DRC11: variants seen among roughly 807,000 people sequenced by gnomAD.
DRC11 encodes the protein dynein regulatory complex subunit 11.
At chr2:236,383,334 T>A in the DRC11 span, among the ~76,000 whole-genome samples, 6 of 152,206 alleles carry the variant, frequency 3.9e-5, no homozygotes, top group African/African-American at 1.4e-4. Context: ...AAATCTCATC[T>A]TTTTCTTAGT....
chr2:236,491,920 T>C, the DRC11 span, among the ~76,000 whole-genome samples: 28,297 of 152,160 alleles, frequency 0.19, 2,963 homozygotes, highest in Middle Eastern at 0.27. Context: ...AGTGTTGGGA[T>C]GTGGGACTTT....
chr2:236,422,973 G>T, the DRC11 span, among the ~76,000 whole-genome samples: 1 of 151,920 alleles, frequency 6.6e-6, no homozygotes, highest in African/African-American at 2.4e-5. Context: ...TTTAATAAAT[G>T]GTGCTGGGAA....
the DRC11 span, among the ~76,000 whole-genome samples, chr2:236,318,090 C>T: frequency 1.7e-3 from 253 of 152,204 alleles, 3 homozygotes; most frequent in Non-Finnish European, 5.6e-4. The surrounding 1 kb of genome is among the most constrained non-coding windows in gnomAD (Gnocchi z 7.0). Flanking sequence ...TGCCAGTCCA[C>T]GCCACTCTCC....
chr2:236,326,792 T>TTGTGTGTG, the DRC11 span, among the ~76,000 whole-genome samples: 42 of 144,082 alleles, frequency 2.9e-4, no homozygotes, highest in East Asian at 8.4e-4. Flanking sequence ...TTCAGATTTG[T>TTGTGTGTG]TGTGTGTGTG....
chr2:236,392,010 TC>T, the DRC11 span: 1 of 1,613,972 alleles, frequency 6.2e-7, no homozygotes, highest in East Asian at 2.2e-5. This position sits in a 1 kb window ranked among gnomAD's most constrained non-coding sequence, Gnocchi z 5.1. Flanking sequence ...CACTGGGCGC[TC>T]CCTTTCTCTG....
At chr2:236,341,096 G>A in the DRC11 span, among the ~76,000 whole-genome samples, 1 of 152,196 alleles carries the variant, frequency 6.6e-6, no homozygotes, top group Non-Finnish European at 1.5e-5. Context: ...CAAATTAGTG[G>A]CTAGCATCCA....
At chr2:236,354,258 CAT>C in the DRC11 span, among the ~76,000 whole-genome samples, 2 of 151,178 alleles carry the variant, frequency 1.3e-5, no homozygotes, top group African/African-American at 4.9e-5. Flanking sequence ...TTAGTGTGCA[CAT>C]GTGTGCGTGT....
chr2:236,334,092 G>C, the DRC11 span, among the ~76,000 whole-genome samples: 1 of 152,190 alleles, frequency 6.6e-6, no homozygotes, highest in Non-Finnish European at 1.5e-5. The surrounding 1 kb of genome is among the most constrained non-coding windows in gnomAD (Gnocchi z 7.8). Flanking sequence ...AGCTCTGTGA[G>C]ACAGTCCCAG....
the DRC11 span, chr2:236,493,742 A>G: frequency 1.3e-6 from 2 of 1,548,790 alleles, no homozygotes; most frequent in Non-Finnish European, 1.7e-6. Flanking sequence ...ATTATGGATT[A>G]ATGTTTGTTA....
chr2:236,357,574 T>TTA, the DRC11 span, among the ~76,000 whole-genome samples: 2 of 127,234 alleles, frequency 1.6e-5, no homozygotes, highest in South Asian at 4.7e-4. Flanking sequence ...ATATGCATAG[T>TTA]TATATATTAT....
At chr2:236,491,046 G>GTATATATATATA in the DRC11 span, among the ~76,000 whole-genome samples, 1 of 128,262 alleles carries the variant, frequency 7.8e-6, no homozygotes, top group African/African-American at 3.2e-5. Context: ...TATATATACA[G>GTATATATATATA]TATATATATA....
chr2:236,346,442 G>A, the DRC11 span, among the ~76,000 whole-genome samples: 6 of 152,218 alleles, frequency 3.9e-5, no homozygotes, highest in African/African-American at 1.4e-4. Flanking sequence ...TGATGGCCCT[G>A]GTCATACAGG....
chr2:236,459,875 G>A, the DRC11 span, among the ~76,000 whole-genome samples: 3 of 151,862 alleles, frequency 2.0e-5, no homozygotes, highest in East Asian at 5.9e-4. Context: ...ATACAATAAC[G>A]TAAGAATTGA....
chr2:236,497,330 C>G, the DRC11 span: 1 of 1,613,970 alleles, frequency 6.2e-7, no homozygotes. This position sits in a 1 kb window ranked among gnomAD's most constrained non-coding sequence, Gnocchi z 5.1. Flanking sequence ...TAGACATTCT[C>G]TAGGTTTCTA....
At chr2:236,416,637 T>G in the DRC11 span, among the ~76,000 whole-genome samples, 2 of 149,268 alleles carry the variant, frequency 1.3e-5, no homozygotes, top group Non-Finnish European at 1.5e-5. Flanking sequence ...AAGGAACCAC[T>G]GCCTTCAGTC....
At chr2:236,503,423 C>T in the DRC11 span, among the ~76,000 whole-genome samples, 1 of 152,232 alleles carries the variant, frequency 6.6e-6, no homozygotes, top group African/African-American at 2.4e-5. The surrounding 1 kb of genome is among the most constrained non-coding windows in gnomAD (Gnocchi z 4.9). Flanking sequence ...AGAAGCAGGA[C>T]TTTTCCAGGG....
At chr2:236,354,192 A>ATG in the DRC11 span, among the ~76,000 whole-genome samples, 4 of 90,496 alleles carry the variant, frequency 4.4e-5, no homozygotes, top group African/African-American at 9.7e-5. Flanking sequence ...TCTGTGGTCA[A>ATG]TGTGTGTGTG....
At chr2:236,465,887 T>C in the DRC11 span, among the ~76,000 whole-genome samples, 4 of 152,230 alleles carry the variant, frequency 2.6e-5, no homozygotes, top group Admixed American at 2.0e-4. This position sits in a 1 kb window ranked among gnomAD's most constrained non-coding sequence, Gnocchi z 6.2. Context: ...GTGTATTTAA[T>C]CCAAAGTCCC....
At chr2:236,404,542 T>G in the DRC11 span, among the ~76,000 whole-genome samples, 1 of 152,186 alleles carries the variant, frequency 6.6e-6, no homozygotes, top group East Asian at 1.9e-4. Flanking sequence ...AGGCTCCCAG[T>G]CAAGCAACGG....
Sources: allele counts gnomAD v4.1 joint callset (sites outside exome capture counted in the v4.1 genomes callset), GRCh38; gene constraint gnomAD v4.1.1; non-coding constraint Gnocchi (gnomAD v3.1); transcripts MANE v1.5; gene names NCBI Gene and HGNC (gene_info 2026-07-23, HGNC 2026-07-21).